OSBPL3: variants seen among roughly 807,000 people sequenced by gnomAD.
OSBPL3 encodes oxysterol binding protein like 3.
In OSBPL3, 65 loss-of-function variants were observed where a neutral mutation model predicts 120.1. The ratio of observed to expected loss-of-function variants is 0.54; its 90% CI spans 0.44 to 0.67. OSBPL3 has a LOEUF of 0.67. Ranked by LOEUF, OSBPL3 falls within the 30% of genes least tolerant of loss-of-function variation. The probability of loss-of-function intolerance (pLI) is 0.00; values close to 1 mark genes in which losing one functional copy is unlikely to be tolerated. For synonymous variants in OSBPL3, 416 were observed against 402.6 expected (o/e 1.03, Z -0.40); for missense variants, 1,004 against 1,082.1 (o/e 0.93, Z 1.01).
At chr7:24,923,353 T>C (rs1310389966) in intron 1 of OSBPL3, among the ~76,000 whole-genome samples, 4 of 152,178 alleles carry the variant, frequency 2.6e-5, no homozygotes, top group African/African-American at 7.2e-5. Context: ...CCCTGTCCAC[T>C]GGAGTAACCC....
At chr7:24,969,612 A>G (rs1039459652) in intron 1 of OSBPL3, among the ~76,000 whole-genome samples, 2 of 151,916 alleles carry the variant, frequency 1.3e-5, no homozygotes, top group African/African-American at 2.4e-5. Context: ...TGTGGAATTT[A>G]TTTTATTTTT....
chr7:24,854,505 CA>C lies in OSBPL3; in HGVS notation c.1028-1872del, dbSNP rs1799575345. Among the ~76,000 whole-genome samples, 1 of 48,724 alleles carries C rather than the reference CA, an allele frequency of 2.1e-5. No individual in the cohort carries two copies. The highest frequency in any genetic ancestry group is 3.9e-5 in the Non-Finnish European group (1 of 25,470). 32.0% of individuals were successfully genotyped at this position (48,724 alleles called of 152,430 possible). ...AACAATTTGTACACACACACACGCA[CA>C]CACACACACACACACACACACACAC... On this transcript the variant is annotated intron_variant, in intron 10 of 22. Transcript: ENST00000313367. The surrounding 1 kb of genome is among the most constrained non-coding windows in gnomAD (Gnocchi z 4.1).
rs144941264 is a variant in OSBPL3, at chr7:24,938,880, T to TTC, written c.-150+41005_-150+41006insGA. 0.021 allele frequency among the ~76,000 whole-genome samples: 3,082 copies of TTC among 144,998 alleles called. 60 individuals are homozygous for TTC. The highest frequency in any genetic ancestry group is 0.07 in the Middle Eastern group (19 of 270). ...GGCCAAGAAAGAAAAAAAAAAAAGATTGTTATTAAGGAAAAAGTATATAAT... is the reference window on the plus strand; with the variant it reads ...GGCCAAGAAAGAAAAAAAAAAAAGATTCTGTTATTAAGGAAAAAGTATATAAT... On this transcript the variant is annotated intron_variant, in intron 1 of 22. Transcript: ENST00000313367. The surrounding 1 kb of genome is among the most constrained non-coding windows in gnomAD (Gnocchi z 5.8).
rs1810548519 is a variant in OSBPL3, at chr7:24,922,737, G to T, written c.-149-30116C>A. ...AGCCTTGCTATGAACTCTGTTCTTT[G>T]CACGTAATCCCCTAGTCCTGCTTCA... On this transcript the variant is annotated intron_variant, in intron 1 of 22. Coordinates refer to ENST00000313367, the MANE Select transcript of OSBPL3 (RefSeq NM_015550.4). The surrounding 1 kb of genome is among the most constrained non-coding windows in gnomAD (Gnocchi z 4.3). Among the ~76,000 whole-genome samples the T allele has an allele frequency of 6.6e-6, 1 of 151,952 alleles. No homozygotes were observed. Among genetic ancestry groups the T allele is most frequent in the African/African-American group, 2.4e-5 (1 of 41,332 alleles).
chr7:24,960,805 T>C (rs1815638709), intron 1 of OSBPL3, among the ~76,000 whole-genome samples: 1 of 152,208 alleles, frequency 6.6e-6, no homozygotes, highest in African/African-American at 2.4e-5. Context: ...TTGGTCAATG[T>C]ACAAAACTGG....
intron 12 of OSBPL3, among the ~76,000 whole-genome samples, chr7:24,847,459 T>C (rs552254072): frequency 2.0e-5 from 3 of 152,202 alleles, no homozygotes; most frequent in Non-Finnish European, 4.4e-5. Context: ...ATGTTATTGT[T>C]ACCTCTCAAG....
intron 14 of OSBPL3, 46 bp downstream of exon 14, chr7:24,840,644 G>T: frequency 1.3e-6 from 1 of 792,542 alleles, no homozygotes; most frequent in Non-Finnish European, 2.1e-6. Flanking sequence ...TATTAGTATT[G>T]TATGAAAATC....
At chr7:24,829,213 A>C (rs17150247) in intron 16 of OSBPL3, among the ~76,000 whole-genome samples, 18,017 of 152,154 alleles carry the variant, frequency 0.12, 1,798 homozygotes, top group East Asian at 0.52. Context: ...ATGGAAACCA[A>C]ATTATATTTT....
At chr7:24,814,104 T>G (rs1794174391) in intron 19 of OSBPL3, among the ~76,000 whole-genome samples, 1 of 151,904 alleles carries the variant, frequency 6.6e-6, no homozygotes, top group Non-Finnish European at 1.5e-5. Context: ...ATAAGAACTC[T>G]GAAGAAAATG....
intron 1 of OSBPL3, among the ~76,000 whole-genome samples, chr7:24,949,607 C>T (rs891244200): frequency 1.3e-5 from 2 of 152,156 alleles, no homozygotes; most frequent in Non-Finnish European, 2.9e-5. Context: ...GTAGGGTGGC[C>T]TCAAGCTGAC....
intron 2 of OSBPL3, among the ~76,000 whole-genome samples, chr7:24,875,336 T>A (rs760152954): frequency 6.6e-6 from 1 of 152,242 alleles, no homozygotes; most frequent in African/African-American, 2.4e-5. Flanking sequence ...GAGTTATTAA[T>A]ATAGCACACC....
chr7:24,810,006 A>G lies in OSBPL3; in HGVS notation c.2173-55T>C, dbSNP rs1047506376. The G allele has an allele frequency of 3.1e-6, 5 of 1,589,188 alleles. No homozygotes were observed. The African/African-American group carries it at 6.7e-5, about 21-fold the overall frequency. ...CCTTTAGCATCAGCTTATTACAGAT[A>G]TTAAGGAAAGAAAAAAGGAAAAGCT... On this transcript the variant is annotated intron_variant, in intron 19 of 22. Coordinates refer to ENST00000313367, the MANE Select transcript of OSBPL3 (RefSeq NM_015550.4).
intron 1 of OSBPL3, among the ~76,000 whole-genome samples, chr7:24,963,486 C>A (rs1234806377): frequency 6.6e-6 from 1 of 152,210 alleles, no homozygotes; most frequent in Non-Finnish European, 1.5e-5. Flanking sequence ...TCCGGCCAAC[C>A]CACTTTCCCT....
intron 1 of OSBPL3, among the ~76,000 whole-genome samples, chr7:24,915,716 G>A (rs1809464669): frequency 6.6e-6 from 1 of 151,968 alleles, no homozygotes; most frequent in African/African-American, 2.4e-5. Context: ...TGAAATTACA[G>A]GCAGCTGCCA....
At chr7:24,832,588 T>C (rs1201188852) in intron 15 of OSBPL3, among the ~76,000 whole-genome samples, 3 of 152,082 alleles carry the variant, frequency 2.0e-5, no homozygotes, top group African/African-American at 7.2e-5. Flanking sequence ...GCCTGTGTTC[T>C]TGAAACCTGG....
In OSBPL3 at chr7:24,855,156, A is replaced by G. The variant is rs1334741672; in HGVS notation, c.1028-2522T>C. On this transcript the variant is annotated intron_variant, in intron 10 of 22. Coordinates refer to ENST00000313367, the MANE Select transcript of OSBPL3 (RefSeq NM_015550.4). This position sits in a 1 kb window ranked among gnomAD's most constrained non-coding sequence, Gnocchi z 4.3. The stretch of plus-strand genomic sequence containing the variant: ...GCCACACAGTTACGGACTGCATCCT[A>G]TGTCCTATTAGATAGGCACTATGCC... 6.6e-6 allele frequency among the ~76,000 whole-genome samples: 1 copy of G among 152,192 alleles called. No individual in the cohort carries two copies. The highest frequency in any genetic ancestry group is 1.5e-5 in the Non-Finnish European group (1 of 68,038).
rs1796844378 is a variant in OSBPL3, at chr7:24,835,143, TC to T, written c.1496-408del. Among the ~76,000 whole-genome samples the T allele has an allele frequency of 6.6e-6, 1 of 152,224 alleles. No individual in the cohort carries two copies. Among genetic ancestry groups the T allele is most frequent in the African/African-American group, 2.4e-5 (1 of 41,460 alleles). On this transcript the variant is annotated intron_variant, in intron 14 of 22. Coordinates refer to ENST00000313367, the MANE Select transcript of OSBPL3 (RefSeq NM_015550.4). This position sits in a 1 kb window ranked among gnomAD's most constrained non-coding sequence, Gnocchi z 4.8. ...AGGAAAACTATAAAGGAAATAATGG[TC>T]TTTTCATTGCTCCACCACCCCAAAA...
Position 24,972,489 on chromosome 7 carries a change from T to C in OSBPL3, c.-150+7397A>G, listed in dbSNP as rs1045162014. ...CTGTAATTAATGAATTCTCTGCAAC[T>C]CTTTAATGTCTATATCCCCTTCTAG... is the stretch of plus-strand genomic sequence containing the variant. On this transcript the variant is annotated intron_variant, in intron 1 of 22. Transcript: ENST00000313367. The surrounding 1 kb of genome is among the most constrained non-coding windows in gnomAD (Gnocchi z 4.3). Among the ~76,000 whole-genome samples, 4 of 152,216 alleles carry C rather than the reference T, an allele frequency of 2.6e-5. No individual in the cohort carries two copies. The highest frequency in any genetic ancestry group is 2.0e-4 in the Admixed American group (3 of 15,278).
At chr7:24,880,765 C>A (rs1278262822) in intron 2 of OSBPL3, among the ~76,000 whole-genome samples, 1 of 152,176 alleles carries the variant, frequency 6.6e-6, no homozygotes, top group Non-Finnish European at 1.5e-5. Context: ...TTGACTCCAA[C>A]TCATGAGCAC....
Sources: gnomAD v4.1 joint callset for allele counts (sites outside exome capture counted in the v4.1 genomes callset) on GRCh38, gnomAD v4.1.1 for gene constraint, Gnocchi (gnomAD v3.1) non-coding constraint, MANE v1.5 for transcripts, NCBI Gene and HGNC (gene_info 2026-07-23, HGNC 2026-07-21) for gene names.